Variants in NEK6 observed in about 807,000 individuals in gnomAD.
NEK6 encodes the protein NIMA related kinase 6, also known as serine/threonine-protein kinase Nek6.
Under a neutral mutation model 43.5 loss-of-function variants are expected in NEK6, and 27 were observed. The ratio of observed to expected loss-of-function variants is 0.62; its 90% CI spans 0.46 to 0.86. The LOEUF is 0.86. Among genes scored for constraint, NEK6 ranks in the 40% least tolerant of loss-of-function variants. The probability of loss-of-function intolerance (pLI) is 0.00; values close to 1 mark genes in which losing one functional copy is unlikely to be tolerated. For synonymous variants in NEK6, 167 were observed against 164.1 expected (o/e 1.02, Z -0.14); for missense variants, 318 against 414.4 (o/e 0.77, Z 2.02).
intron 4 of NEK6, among the ~76,000 whole-genome samples, chr9:124,316,942 TG>T (rs1383883011): frequency 6.6e-6 from 1 of 152,222 alleles, no homozygotes; most frequent in Non-Finnish European, 1.5e-5. Context: ...GCTGATGACC[TG>T]GGCAGTTTTT....
At chr9:124,329,057 G>A (rs865943521) in intron 7 of NEK6, among the ~76,000 whole-genome samples, 5 of 152,206 alleles carry the variant, frequency 3.3e-5, no homozygotes, top group South Asian at 2.1e-4. Context: ...CAGAACCCAC[G>A]CTGCTTCCAG....
At chr9:124,346,068 G>A (rs565703936) in intron 8 of NEK6, among the ~76,000 whole-genome samples, 2 of 152,234 alleles carry the variant, frequency 1.3e-5, no homozygotes, top group East Asian at 3.9e-4. Context: ...TTCTCTGAGG[G>A]GCCCAAGCTC....
At chr9:124,292,689 C>A in intron 1 of NEK6, 1 of 1,242,502 alleles carries the variant, frequency 8.0e-7, no homozygotes, top group Non-Finnish European at 1.1e-6. Flanking sequence ...AGTGGTCCCC[C>A]TGGCATGAGT....
intron 2 of NEK6, among the ~76,000 whole-genome samples, chr9:124,307,217 G>A (rs2130827820): frequency 6.6e-6 from 1 of 152,156 alleles, no homozygotes; most frequent in East Asian, 1.9e-4. Context: ...GGGTGTTTGT[G>A]GCCTAATTTG....
At chr9:124,281,167 C>T (rs1831885930) in intron 1 of NEK6, among the ~76,000 whole-genome samples, 1 of 152,224 alleles carries the variant, frequency 6.6e-6, no homozygotes, top group African/African-American at 2.4e-5. Flanking sequence ...GCCTGGGGGC[C>T]TCTTCCCTCA....
intron 8 of NEK6, 32 bp downstream of exon 8, chr9:124,339,697 GGT>G: frequency 6.6e-7 from 1 of 1,511,572 alleles, no homozygotes; most frequent in Non-Finnish European, 9.2e-7. Flanking sequence ...AGCAGCATTT[GGT>G]GGGACATGCA....
Position 124,326,576 on chromosome 9 carries a change from C to T in NEK6, c.514+138C>T, listed in dbSNP as rs1180501559. 8 of 647,220 alleles carry T rather than the reference C, an allele frequency of 1.2e-5. No homozygotes were observed. In the East Asian group the frequency reaches 2.2e-4, roughly 18 times the overall value. The allele number at this position is 647,220 out of a possible 1,614,324, so 40.1% of individuals were successfully genotyped here. The stretch of plus-strand genomic sequence containing the variant: ...TGTATTCCCCAGGCAAGGGGGCTGC[C>T]CAGCAACCGCGCACACACACGCGCC... On this transcript the variant is annotated intron_variant, in intron 6 of 9. Coordinates refer to ENST00000320246, the MANE Select transcript of NEK6 (RefSeq NM_014397.6). This position sits in a 1 kb window ranked among gnomAD's most constrained non-coding sequence, Gnocchi z 4.5.
rs183382034 is a variant in NEK6, at chr9:124,340,923, G to A, written c.717+1258G>A. Among the ~76,000 whole-genome samples, 482 of 152,364 alleles carry A rather than the reference G, an allele frequency of 3.2e-3. 3 individuals are homozygous for A. Among genetic ancestry groups the A allele is most frequent in the African/African-American group, 0.011 (464 of 41,584 alleles). On this transcript the variant is annotated intron_variant, in intron 8 of 9. Coordinates refer to ENST00000320246, the MANE Select transcript of NEK6 (RefSeq NM_014397.6). ...CCACGTGGGACCCGCGGCCGCTCTCGTGGCCAGGGGGTCTTGTGGCCAGGG... is the reference window on the plus strand; with the variant it reads ...CCACGTGGGACCCGCGGCCGCTCTCATGGCCAGGGGGTCTTGTGGCCAGGG...
At position 124,326,398 on chromosome 9, in the gene NEK6, C is replaced by T. The variant is rs543295475; in HGVS notation, c.474C>T (p.Ser158=). Residue 158 remains serine, a synonymous_variant, in exon 6 of 10, where the codon AGC becomes AGT. Transcript: ENST00000320246. The surrounding 1 kb of genome is among the most constrained non-coding windows in gnomAD (Gnocchi z 4.5). The stretch of plus-strand genomic sequence containing the variant: ...GGAAGTACTTTGTGCAGCTGTGCAG[C>T]GCCGTGGAGCACATGCATTCACGCC... The part of the protein sequence containing the change: ...TVWKYFVQLC[S]AVEHMHSRRV... 1.1e-5 allele frequency: 18 copies of T among 1,610,960 alleles called. No individual in the cohort carries two copies. The highest frequency in any genetic ancestry group is 3.3e-5 in the Admixed American group (2 of 60,022).
Position 124,301,951 on chromosome 9 carries a change from G to T in NEK6, c.-14G>T. 1 of 1,589,550 alleles carries T rather than the reference G, an allele frequency of 6.3e-7. No homozygotes were observed. The highest frequency in any genetic ancestry group is 8.6e-7 in the Non-Finnish European group (1 of 1,167,392). ...TCTGTTGCAGTTCGTGCCCTCGTGA[G>T]GCTGGCATGCAGGATGGCAGGACAG... On this transcript the variant is annotated 5_prime_UTR_variant, in exon 2 of 10. The change creates a new upstream start codon in the 5' untranslated region. Transcript: ENST00000320246.
Position 124,343,314 on chromosome 9 carries a change from G to C in NEK6, c.717+3649G>C, listed in dbSNP as rs1352657188. 6.7e-6 allele frequency among the ~76,000 whole-genome samples: 1 copy of C among 148,626 alleles called. No individual in the cohort carries two copies. Among genetic ancestry groups the C allele is most frequent in the African/African-American group, 2.5e-5 (1 of 40,178 alleles). ...GAGGTACCGATCGCAGCGAGGGGTG[G>C]TGTGGGGGGACAGATCACAGCCAGG... is the stretch of plus-strand genomic sequence containing the variant. On this transcript the variant is annotated intron_variant, in intron 8 of 9. Coordinates refer to ENST00000320246, the MANE Select transcript of NEK6 (RefSeq NM_014397.6). The surrounding 1 kb of genome is among the most constrained non-coding windows in gnomAD (Gnocchi z 5.1).
At position 124,305,553 on chromosome 9, in the gene NEK6, C is replaced by CAA. The variant is rs11445181; in HGVS notation, c.90+3514_90+3515dup. Among the ~76,000 whole-genome samples, 411 of 123,632 alleles carry CAA rather than the reference C, an allele frequency of 3.3e-3. 2 individuals carry two copies. Among genetic ancestry groups the CAA allele is most frequent in the Admixed American group, 4.7e-3 (56 of 12,036 alleles). 81.1% of individuals were successfully genotyped at this position (123,632 alleles called of 152,430 possible). On this transcript the variant is annotated intron_variant, in intron 2 of 9. Coordinates refer to ENST00000320246, the MANE Select transcript of NEK6 (RefSeq NM_014397.6). Reference sequence around the variant, plus strand: ...TGGGCAACAGAGTGAGACCCCATCTCAAAAAAAAAAAAAAAAGAAAAAGAA... The same window carrying CAA: ...TGGGCAACAGAGTGAGACCCCATCTCAAAAAAAAAAAAAAAAAAGAAAAAGAA...
At position 124,326,503 on chromosome 9, in the gene NEK6, C is replaced by T; in HGVS notation, c.514+65C>T. 8.2e-7 allele frequency: 1 copy of T among 1,225,112 alleles called. No individual in the cohort carries two copies. Among genetic ancestry groups the T allele is most frequent in the Non-Finnish European group, 1.2e-6 (1 of 841,238 alleles). 75.9% of individuals were successfully genotyped at this position (1,225,112 alleles called of 1,614,324 possible). A position where few individuals can be genotyped will look rare whatever the true frequency, so the allele number is the denominator to read the frequency against. On this transcript the variant is annotated intron_variant, in intron 6 of 9. Coordinates refer to ENST00000320246, the MANE Select transcript of NEK6 (RefSeq NM_014397.6). This position sits in a 1 kb window ranked among gnomAD's most constrained non-coding sequence, Gnocchi z 4.5. ...AGCCCAGGAAGACACTTCCTCATGG[C>T]TCCTCCAGGGTCCTCAGGGGCAGCC...
intron 4 of NEK6, 47 bp from the exon 5 acceptor site, chr9:124,321,412 T>TC (rs765963656): frequency 6.9e-6 from 9 of 1,306,598 alleles, no homozygotes; most frequent in Middle Eastern, 1.8e-4. Flanking sequence ...ACTGGGTCTG[T>TC]CCCGTCTTCA....
At chr9:124,272,672 A>G (rs904472835) in intron 1 of NEK6, among the ~76,000 whole-genome samples, 2 of 152,100 alleles carry the variant, frequency 1.3e-5, no homozygotes, top group African/African-American at 2.4e-5. Context: ...GAGACTCACA[A>G]CCGCTCCCCC....
At chr9:124,305,809 G>A (rs1332649371) in intron 2 of NEK6, among the ~76,000 whole-genome samples, 3 of 152,218 alleles carry the variant, frequency 2.0e-5, no homozygotes, top group Middle Eastern at 3.2e-3. Flanking sequence ...TTTGGGGTGG[G>A]ACAGGGAGAG....
intron 1 of NEK6, among the ~76,000 whole-genome samples, chr9:124,289,855 T>C (rs1832329483): frequency 6.6e-6 from 1 of 152,218 alleles, no homozygotes; most frequent in South Asian, 2.1e-4. Context: ...AAAGATAGCC[T>C]GTGACTTTCC....
chr9:124,316,043 C>T (rs1465271234), intron 4 of NEK6, among the ~76,000 whole-genome samples: 3 of 152,234 alleles, frequency 2.0e-5, no homozygotes, highest in Non-Finnish European at 4.4e-5. Context: ...CACCTCTGCC[C>T]GCCAATGCCA....
At chr9:124,336,718 T>TCCAGG (rs963685115) in intron 7 of NEK6, among the ~76,000 whole-genome samples, 37 of 152,050 alleles carry the variant, frequency 2.4e-4, no homozygotes, top group African/African-American at 8.9e-4. Context: ...ACCTTAAAAA[T>TCCAGG]CCAGGCCAGG....
Sources: gnomAD v4.1 joint callset for allele counts (sites outside exome capture counted in the v4.1 genomes callset) on GRCh38, gnomAD v4.1.1 for gene constraint, Gnocchi (gnomAD v3.1) non-coding constraint, MANE v1.5 for transcripts, NCBI Gene and HGNC (gene_info 2026-07-23, HGNC 2026-07-21) for gene names.